Variants in PDS5A observed in about 807,000 individuals in gnomAD.
PDS5A encodes the protein PDS5 cohesin associated factor A.
PDS5A carries 42 observed loss-of-function variants against 167.1 expected under a neutral mutation model. The ratio of observed to expected loss-of-function variants is 0.25; its 90% CI spans 0.20 to 0.33. The LOEUF is 0.33. Among genes scored for constraint, PDS5A ranks in the 10% least tolerant of loss-of-function variants. The probability of loss-of-function intolerance (pLI) is 1.00; values close to 1 mark genes in which losing one functional copy is unlikely to be tolerated. For missense variants in PDS5A, 1,033 were observed against 1,605.9 expected (o/e 0.64, Z 6.10); for synonymous variants, 553 against 554.6 (o/e 1.00, Z 0.04).
At chr4:39,953,240 T>C (rs2109791094) in intron 2 of PDS5A, among the ~76,000 whole-genome samples, 1 of 152,288 alleles carries the variant, frequency 6.6e-6, no homozygotes, top group East Asian at 1.9e-4. Context: ...ACTTGACCAT[T>C]TTGAGCTCAT....
At chr4:39,951,134 C>G (rs1324277307) in intron 2 of PDS5A, among the ~76,000 whole-genome samples, 1 of 152,096 alleles carries the variant, frequency 6.6e-6, no homozygotes, top group Non-Finnish European at 1.5e-5. Flanking sequence ...ATCATGTGAC[C>G]CTCATGCCTC....
At chr4:39,865,108 T>C (rs1250849702) in intron 23 of PDS5A, among the ~76,000 whole-genome samples, 1 of 152,216 alleles carries the variant, frequency 6.6e-6, no homozygotes, top group Non-Finnish European at 1.5e-5. Context: ...ATGATCATAC[T>C]GAGGAATGAT....
chr4:39,900,339 CT>C (rs1311259562), intron 14 of PDS5A, 86 bp downstream of exon 14: 17 of 776,222 alleles, frequency 2.2e-5, no homozygotes, highest in Non-Finnish European at 3.0e-5. Flanking sequence ...AACTGAGATA[CT>C]TTTTCCCTGC....
rs1270409325 is a variant in PDS5A at position 39,920,310 on chromosome 4, AATAC to A, written c.735+5_735+8del. On this transcript the variant is annotated splice_donor_5th_base_variant and intron_variant, in intron 7 of 32. Coordinates refer to ENST00000303538, the MANE Select transcript of PDS5A (RefSeq NM_001100399.2). ...AAAATATAGAATAAACATAGAAAGA[AATAC>A]ATACATTAGCAATGCATGCCTCAAT... 1 of 1,234,800 alleles carries A rather than the reference AATAC, an allele frequency of 8.1e-7. No homozygotes were observed. Among genetic ancestry groups the A allele is most frequent in the Non-Finnish European group, 1.2e-6 (1 of 856,328 alleles). The allele number at this position is 1,234,800 out of a possible 1,614,324, so 76.5% of individuals were successfully genotyped here. A position where few individuals can be genotyped will look rare whatever the true frequency, so the allele number is the denominator to read the frequency against.
intron 30 of PDS5A, 93 bp downstream of exon 30, chr4:39,844,563 G>C: frequency 1.1e-6 from 1 of 892,332 alleles, no homozygotes; most frequent in East Asian, 2.5e-5. Context: ...CACCGCTAAT[G>C]ACAGAAGACC....
At chr4:39,895,043 T>C (rs1578687653) in intron 16 of PDS5A, among the ~76,000 whole-genome samples, 1 of 151,706 alleles carries the variant, frequency 6.6e-6, no homozygotes. Context: ...CTGGCTAACA[T>C]GGTGAAACCG....
intron 2 of PDS5A, chr4:39,973,820 C>T (rs112879456): frequency 6.1e-5 from 71 of 1,172,030 alleles, no homozygotes; most frequent in Non-Finnish European, 8.7e-5. Context: ...GCAGCTATTC[C>T]ACAGACTCAG....
At chr4:39,972,026 T>G (rs1730593278) in intron 2 of PDS5A, among the ~76,000 whole-genome samples, 1 of 152,290 alleles carries the variant, frequency 6.6e-6, no homozygotes, top group South Asian at 2.1e-4. Context: ...ATTTTGGCAG[T>G]AGGACATTGA....
chr4:39,930,167 A>T (rs2109742052), intron 2 of PDS5A, among the ~76,000 whole-genome samples: 1 of 126,558 alleles, frequency 7.9e-6, no homozygotes, highest in South Asian at 2.7e-4. Context: ...GTGAGCCGAG[A>T]CTGTGCCACT....
intron 8 of PDS5A, among the ~76,000 whole-genome samples, chr4:39,916,572 T>C (rs564503940): frequency 1.5e-4 from 23 of 152,256 alleles, no homozygotes; most frequent in Admixed American, 1.5e-3. Flanking sequence ...CAATTAAAAG[T>C]ATTATAATTT....
chr4:39,925,182 A>T (rs1255766126), intron 5 of PDS5A, among the ~76,000 whole-genome samples: 1 of 152,102 alleles, frequency 6.6e-6, no homozygotes, highest in Non-Finnish European at 1.5e-5. Context: ...AAAAAAAACC[A>T]AACCAAAACA....
intron 26 of PDS5A, among the ~76,000 whole-genome samples, chr4:39,856,439 G>C (rs1718530856): frequency 6.6e-6 from 1 of 152,168 alleles, no homozygotes; most frequent in South Asian, 2.1e-4. Flanking sequence ...AAGTAAATCT[G>C]GTGAAAGTAA....
chr4:39,925,976 G>C (rs1375943858), intron 4 of PDS5A, 43 bp from the exon 5 acceptor site: 10 of 584,070 alleles, frequency 1.7e-5, no homozygotes, highest in South Asian at 4.3e-5. Flanking sequence ...CATATATACA[G>C]AATAGTTATA....
intron 21 of PDS5A, among the ~76,000 whole-genome samples, chr4:39,872,171 AC>A (rs1417626983): frequency 2.2e-4 from 27 of 123,086 alleles, no homozygotes; most frequent in Admixed American, 2.9e-4. Flanking sequence ...AAGTCCACTT[AC>A]TTTTTTTTTT....
At chr4:39,867,018 A>G (rs781613581) in intron 22 of PDS5A, 21 bp from the exon 23 acceptor site, 9 of 1,552,352 alleles carry the variant, frequency 5.8e-6, no homozygotes, top group African/African-American at 2.8e-5. Flanking sequence ...TTAACATGCT[A>G]AAAAAAGAAA....
intron 25 of PDS5A, 147 bp from the exon 26 acceptor site, chr4:39,862,480 T>G: frequency 2.0e-6 from 1 of 506,490 alleles, no homozygotes; most frequent in Non-Finnish European, 3.5e-6. Context: ...TACACTTCAC[T>G]TTTCAATTTC....
chr4:39,949,119 C>T (rs1428599325), intron 2 of PDS5A, among the ~76,000 whole-genome samples: 1 of 150,574 alleles, frequency 6.6e-6, no homozygotes, highest in Non-Finnish European at 1.5e-5. Context: ...ATAGTGAAAC[C>T]CTGTCTCTAC....
chr4:39,913,685 T>C lies in PDS5A; in HGVS notation c.918A>G (p.Leu306=), dbSNP rs765327309. The C allele has an allele frequency of 1.2e-6, 2 of 1,611,700 alleles. No individual in the cohort carries two copies. The highest frequency in any genetic ancestry group is 1.7e-6 in the Non-Finnish European group (2 of 1,177,836). Residue 306 remains leucine, a synonymous_variant, in exon 9 of 33, where the codon CTA becomes CTG. Transcript: ENST00000303538. ...AATCTTTGGAGCCAAACAATTTAGC[T>C]AGAAGTCGAACAACAGCTAATCGCT... The part of the protein sequence containing the change: ...GEERLAVVRL[L]AKLFGSKDSD...
At chr4:39,882,991 C>A (rs1023463592) in intron 17 of PDS5A, among the ~76,000 whole-genome samples, 5 of 152,026 alleles carry the variant, frequency 3.3e-5, no homozygotes, top group Non-Finnish European at 5.9e-5. Context: ...TAGTAATGGA[C>A]GCCTTGAGTG....
Sources: gnomAD v4.1 joint callset for allele counts (sites outside exome capture counted in the v4.1 genomes callset) on GRCh38, gnomAD v4.1.1 for gene constraint, MANE v1.5 for transcripts, NCBI Gene and HGNC (gene_info 2026-07-23, HGNC 2026-07-21) for gene names.